Variants in ACVR2A observed in about 807,000 individuals in gnomAD.
ACVR2A encodes activin receptor type-2A.
ACVR2A carries 7 observed loss-of-function variants against 61.4 expected under a neutral mutation model. That is an observed-to-expected ratio of 0.11 (90% CI 0.06 to 0.21). The LOEUF (loss-of-function observed/expected upper bound fraction) is 0.21. Ranked by LOEUF, ACVR2A falls within the 10% of genes least tolerant of loss-of-function variation. The pLI is 1.00. For missense variants in ACVR2A, 322 were observed against 621.7 expected (o/e 0.52, Z 5.13); for synonymous variants, 193 against 208.3 (o/e 0.93, Z 0.63).
chr2:147,920,574 T>C (rs1200726443), intron 8 of ACVR2A, among the ~76,000 whole-genome samples: 5 of 152,146 alleles, frequency 3.3e-5, no homozygotes, highest in African/African-American at 9.7e-5. Flanking sequence ...AGGATTCTTT[T>C]TGAAAAATTG....
chr2:147,881,601 TAGTGTGTGTGTG>T (rs767532193), intron 1 of ACVR2A, among the ~76,000 whole-genome samples: 45 of 79,068 alleles, frequency 5.7e-4, no homozygotes, highest in Admixed American at 9.0e-4. Flanking sequence ...AGAAGCTGCT[TAGTGTGTGTGTG>T]TGTGTGTGTG....
chr2:147,871,760 A>G (rs186442602), intron 1 of ACVR2A, among the ~76,000 whole-genome samples: 22 of 152,192 alleles, frequency 1.4e-4, no homozygotes, highest in African/African-American at 5.1e-4. Flanking sequence ...TTCATTTTAA[A>G]GACAAACTTG....
At chr2:147,857,361 A>G (rs1685606919) in intron 1 of ACVR2A, among the ~76,000 whole-genome samples, 1 of 152,018 alleles carries the variant, frequency 6.6e-6, no homozygotes, top group Non-Finnish European at 1.5e-5. Context: ...TGCATCTGTG[A>G]TGGAAGGAAA....
At chr2:147,869,809 G>T (rs934432755) in intron 1 of ACVR2A, among the ~76,000 whole-genome samples, 1 of 152,068 alleles carries the variant, frequency 6.6e-6, no homozygotes, top group East Asian at 1.9e-4. Flanking sequence ...CTTGAAAGAT[G>T]AGTTAAAATC....
intron 4 of ACVR2A, among the ~76,000 whole-genome samples, chr2:147,907,545 G>T (rs1036255489): frequency 9.2e-5 from 14 of 152,148 alleles, no homozygotes; most frequent in Admixed American, 3.3e-4. Flanking sequence ...TGACTGTTGT[G>T]AGATGCTATC....
chr2:147,882,892 G>T (rs1686342262), intron 1 of ACVR2A, among the ~76,000 whole-genome samples: 1 of 151,768 alleles, frequency 6.6e-6, no homozygotes, highest in South Asian at 2.1e-4. Context: ...GGTGGGAAGG[G>T]GCTTAGTTTA....
chr2:147,869,988 C>T (rs1685968465), intron 1 of ACVR2A, among the ~76,000 whole-genome samples: 1 of 150,042 alleles, frequency 6.7e-6, no homozygotes, highest in East Asian at 2.0e-4. Flanking sequence ...TATGTAGGTC[C>T]TTGAATGTCA....
intron 9 of ACVR2A, chr2:147,925,574 G>A (rs1046748910): frequency 6.6e-6 from 1 of 152,250 alleles, no homozygotes; most frequent in African/African-American, 2.4e-5. Context: ...CCTCATGTGG[G>A]GCATGCAGGG....
chr2:147,913,777 C>T (rs1428175403), intron 4 of ACVR2A, among the ~76,000 whole-genome samples: 3 of 109,252 alleles, frequency 2.7e-5, no homozygotes, highest in Non-Finnish European at 5.1e-5. Context: ...TAAACAGAAA[C>T]GTTCTTTCAT....
intron 1 of ACVR2A, among the ~76,000 whole-genome samples, chr2:147,866,882 A>T (rs1685869236): frequency 6.6e-6 from 1 of 152,222 alleles, no homozygotes. Flanking sequence ...ATAGATGTAC[A>T]GCATGAAATC....
chr2:147,893,968 T>G (rs776131676), intron 1 of ACVR2A, among the ~76,000 whole-genome samples: 8 of 152,260 alleles, frequency 5.3e-5, no homozygotes, highest in African/African-American at 1.9e-4. Context: ...TTTTCATGTT[T>G]TCTTTTGGAA....
intron 1 of ACVR2A, among the ~76,000 whole-genome samples, chr2:147,879,386 G>T (rs1483497831): frequency 6.6e-6 from 1 of 152,160 alleles, no homozygotes; most frequent in South Asian, 2.1e-4. Context: ...ATTAATCTGT[G>T]ACCTAAACGC....
intron 10 of ACVR2A, 108 bp downstream of exon 10, chr2:147,926,269 T>C: frequency 1.5e-6 from 2 of 1,367,742 alleles, no homozygotes; most frequent in South Asian, 1.4e-5. Context: ...TTCTGGAAGG[T>C]GATCTTCACA....
chr2:147,908,194 GTTTAT>G (rs1687033938), intron 4 of ACVR2A, among the ~76,000 whole-genome samples: 1 of 151,956 alleles, frequency 6.6e-6, no homozygotes, highest in African/African-American at 2.4e-5. Context: ...GTGTAACATG[GTTTAT>G]TTTCTGGTTT....
chr2:147,867,643 C>T (rs1415854705), intron 1 of ACVR2A, among the ~76,000 whole-genome samples: 1 of 152,150 alleles, frequency 6.6e-6, no homozygotes, highest in African/African-American at 2.4e-5. Context: ...CCCTTCCACA[C>T]TCTTTGCTAG....
At chr2:147,913,487 A>G (rs1235799897) in intron 4 of ACVR2A, among the ~76,000 whole-genome samples, 1 of 151,926 alleles carries the variant, frequency 6.6e-6, no homozygotes, top group Non-Finnish European at 1.5e-5. Context: ...TTATGCAGTT[A>G]TACAATAACT....
At chr2:147,874,670 C>T (rs1204928761) in intron 1 of ACVR2A, among the ~76,000 whole-genome samples, 1 of 151,920 alleles carries the variant, frequency 6.6e-6, no homozygotes, top group Non-Finnish European at 1.5e-5. Context: ...TTGCATATCA[C>T]ATCCAATTGG....
At chr2:147,874,946 A>G (rs1686117348) in intron 1 of ACVR2A, among the ~76,000 whole-genome samples, 2 of 152,018 alleles carry the variant, frequency 1.3e-5, no homozygotes, top group African/African-American at 4.8e-5. Flanking sequence ...TAGGTGGCTC[A>G]TAGTTGTCAT....
rs1687415816 is a variant in ACVR2A at position 147,922,823 on chromosome 2, ACG to A, written c.1078-148_1078-147del. 1.0e-5 allele frequency: 7 copies of A among 682,650 alleles called. No individual in the cohort carries two copies. In the African/African-American group the frequency reaches 1.3e-4, roughly 12 times the overall value. The allele number at this position is 682,650 out of a possible 1,614,324, so 42.3% of individuals were successfully genotyped here. A position where few individuals can be genotyped will look rare whatever the true frequency, so the allele number is the denominator to read the frequency against. ...GTCTGTTGATATATTTTTTAAGTAT[ACG>A]CAGAAAGGATCTTTCTATTTATACG... is the stretch of plus-strand genomic sequence containing the variant. On this transcript the variant is annotated intron_variant, in intron 8 of 10. Transcript: ENST00000241416.
Sources: allele counts gnomAD v4.1 joint callset (sites outside exome capture counted in the v4.1 genomes callset), GRCh38; gene constraint gnomAD v4.1.1; transcripts MANE v1.5; gene names NCBI Gene and HGNC (gene_info 2026-07-23, HGNC 2026-07-21).